The following DPP4 variants were observed in gnomAD, a reference collection of about 807,000 sequenced individuals.
DPP4 encodes ADCP-2.
DPP4 carries 93 observed loss-of-function variants against 122.4 expected under a neutral mutation model. The observed-to-expected ratio is 0.76, with a 90% confidence interval of 0.64 to 0.90. The LOEUF (loss-of-function observed/expected upper bound fraction) is 0.90. Among genes scored for constraint, DPP4 ranks in the 40% least tolerant of loss-of-function variants. The pLI is 0.00. For missense variants in DPP4, 914 were observed against 907.3 expected (o/e 1.01, Z -0.09); for synonymous variants, 321 against 302.9 (o/e 1.06, Z -0.62).
intron 5 of DPP4, among the ~76,000 whole-genome samples, chr2:162,041,361 T>C (rs1278534123): frequency 2.0e-5 from 3 of 152,134 alleles, no homozygotes; most frequent in Non-Finnish European, 4.4e-5. Flanking sequence ...AGCCACATAG[T>C]GAGTGTTCAA....
intron 23 of DPP4, among the ~76,000 whole-genome samples, chr2:162,005,060 C>T (rs193184550): frequency 2.5e-3 from 388 of 152,304 alleles, no homozygotes; most frequent in African/African-American, 8.9e-3. Flanking sequence ...CTTCCAGCTG[C>T]ATCAATGTGG....
rs1208637587 is a variant in DPP4 at position 162,074,131 on chromosome 2, G to C, written c.-150C>G. 7.1e-7 allele frequency: 1 copy of C among 1,405,658 alleles called. No individual in the cohort carries two copies. The allele number at this position is 1,405,658 out of a possible 1,614,324, so 87.1% of individuals were successfully genotyped here. A position where few individuals can be genotyped will look rare whatever the true frequency, so the allele number is the denominator to read the frequency against. On this transcript the variant is annotated 5_prime_UTR_variant, in exon 1 of 26. Transcript: ENST00000360534. ...TCGGCCCCGAGTTAAACATTAGTGA[G>C]CGCCGAGCCCGCTGGGTATAAAGGC...
intron 20 of DPP4, among the ~76,000 whole-genome samples, chr2:162,009,671 TG>T (rs1487937676): frequency 6.6e-6 from 1 of 152,066 alleles, no homozygotes; most frequent in Non-Finnish European, 1.5e-5. Flanking sequence ...TTTTTCAGTT[TG>T]GGAGAGTCTG....
intron 9 of DPP4, among the ~76,000 whole-genome samples, chr2:162,034,759 T>A (rs1405568026): frequency 6.6e-6 from 1 of 152,158 alleles, no homozygotes; most frequent in African/African-American, 2.4e-5. Flanking sequence ...TAGTCATGTA[T>A]CCCGTTAACT....
At chr2:162,053,287 A>G (rs1347143100) in intron 2 of DPP4, among the ~76,000 whole-genome samples, 1 of 152,242 alleles carries the variant, frequency 6.6e-6, no homozygotes, top group African/African-American at 2.4e-5. Flanking sequence ...TTTGGAGATT[A>G]TTGCTGCTGT....
rs1465438362 is a variant in DPP4, at chr2:162,057,075, AGG to A, written c.95-9576_95-9575del. Among the ~76,000 whole-genome samples the A allele has an allele frequency of 4.3e-3, 655 of 152,258 alleles. 7 individuals carry two copies. Among genetic ancestry groups the A allele is most frequent in the African/African-American group, 0.015 (620 of 41,554 alleles). ...AACCAATCAACAGCACCCATTCCCT[AGG>A]TCCCTGCCTGCCAAATCATCCTTAA... On this transcript the variant is annotated intron_variant, in intron 2 of 25. Transcript: ENST00000360534.
intron 19 of DPP4, 30 bp downstream of exon 19, chr2:162,014,366 C>G (rs761317859): frequency 1.3e-6 from 2 of 1,566,354 alleles, no homozygotes. Context: ...CTCAATACTT[C>G]TAAATTGCTC....
intron 16 of DPP4, 65 bp downstream of exon 16, chr2:162,018,664 G>C: frequency 2.5e-6 from 4 of 1,570,618 alleles, no homozygotes; most frequent in Non-Finnish European, 3.4e-6. Flanking sequence ...AAAAGGAATA[G>C]AGGGAGCTGC....
rs1700908251 is a variant in DPP4 at position 161,993,265 on chromosome 2, G to T, written c.*18C>A. ...AATGAGTTTTAATAAGCTTTAAATG[G>T]CATGGTATTTTGAGGTGCTAAGGTA... On this transcript the variant is annotated 3_prime_UTR_variant, in exon 26 of 26. Transcript: ENST00000360534. 1.9e-6 allele frequency: 3 copies of T among 1,566,050 alleles called. No individual in the cohort carries two copies. Among genetic ancestry groups the T allele is most frequent in the Middle Eastern group, 1.7e-4 (1 of 6,000 alleles).
intron 4 of DPP4, 123 bp from the exon 5 acceptor site, chr2:162,045,735 G>C (rs1359115069): frequency 1.5e-6 from 1 of 650,332 alleles, no homozygotes; most frequent in Non-Finnish European, 2.7e-6. Flanking sequence ...TCCTAATCTA[G>C]CAGAGGTGGC....
intron 2 of DPP4, among the ~76,000 whole-genome samples, chr2:162,060,017 C>A (rs1480746732): frequency 6.6e-6 from 1 of 152,164 alleles, no homozygotes; most frequent in Non-Finnish European, 1.5e-5. Flanking sequence ...ATAGGCACAG[C>A]CAGTAACTAG....
intron 18 of DPP4, 86 bp from the exon 19 acceptor site, chr2:162,014,551 T>C (rs1337219017): frequency 1.1e-6 from 1 of 912,078 alleles, no homozygotes; most frequent in Non-Finnish European, 1.7e-6. Context: ...TAGCAAGTCA[T>C]TTCTAGAGTT....
intron 2 of DPP4, among the ~76,000 whole-genome samples, chr2:162,058,644 C>G (rs552597218): frequency 1.3e-5 from 2 of 152,140 alleles, no homozygotes; most frequent in African/African-American, 4.8e-5. Flanking sequence ...AACATCTAGA[C>G]CTGGAGTTGG....
intron 2 of DPP4, among the ~76,000 whole-genome samples, chr2:162,059,855 C>T (rs1158169021): frequency 6.6e-6 from 1 of 152,130 alleles, no homozygotes; most frequent in Non-Finnish European, 1.5e-5. Flanking sequence ...AACAAACAAA[C>T]AAAAAATGTT....
intron 10 of DPP4, among the ~76,000 whole-genome samples, chr2:162,031,799 G>A (rs1683558919): frequency 6.6e-6 from 1 of 152,150 alleles, no homozygotes; most frequent in African/African-American, 2.4e-5. Flanking sequence ...CTGATGATAA[G>A]CGCTACAAGG....
intron 20 of DPP4, among the ~76,000 whole-genome samples, chr2:162,010,702 A>G (rs1245643662): frequency 6.6e-6 from 1 of 152,178 alleles, no homozygotes; most frequent in African/African-American, 2.4e-5. Flanking sequence ...CTCTCAAACA[A>G]ATGTATCCCC....
chr2:162,025,773 G>T (rs727204), intron 10 of DPP4, among the ~76,000 whole-genome samples: 1 of 152,078 alleles, frequency 6.6e-6, no homozygotes, highest in Admixed American at 6.5e-5. Context: ...CCCTGCTCTC[G>T]AGTGTCTGAT....
chr2:162,035,087 A>G (rs924540435), intron 9 of DPP4, 77 bp downstream of exon 9: 12 of 1,411,226 alleles, frequency 8.5e-6, no homozygotes, highest in Non-Finnish European at 1.1e-5. Context: ...CAATATTTTC[A>G]TTAGCAAGAA....
In DPP4 at chr2:161,993,215, G is replaced by T; in HGVS notation, c.*68C>A. ...TAAAGATCATCATCATCTTGACAGT[G>T]CAGTTTTGAGATAATGAAAACAAAA... On this transcript the variant is annotated 3_prime_UTR_variant, in exon 26 of 26. Coordinates refer to ENST00000360534, the MANE Select transcript of DPP4 (RefSeq NM_001935.4). The T allele has an allele frequency of 1.7e-6, 2 of 1,168,618 alleles. No homozygotes were observed. Among genetic ancestry groups the T allele is most frequent in the Non-Finnish European group, 2.6e-6 (2 of 778,348 alleles). The allele number at this position is 1,168,618 out of a possible 1,614,324, so 72.4% of individuals were successfully genotyped here.
Sources: allele counts gnomAD v4.1 joint callset (sites outside exome capture counted in the v4.1 genomes callset), GRCh38; gene constraint gnomAD v4.1.1; transcripts MANE v1.5; gene names NCBI Gene and HGNC (gene_info 2026-07-23, HGNC 2026-07-21).